Variants in JMJD1C observed in about 807,000 individuals in gnomAD.
The protein encoded by JMJD1C is jumonji domain-containing protein 1C.
A neutral mutation model predicts 245.3 loss-of-function variants in JMJD1C; 31 were observed. The observed-to-expected ratio is 0.13, with a 90% CI of 0.09 to 0.17. JMJD1C has a LOEUF of 0.17. Ranked by LOEUF, JMJD1C falls within the 10% of genes least tolerant of loss-of-function variation. The pLI is 1.00. For missense variants in JMJD1C, 2,691 were observed against 3,000.2 expected (o/e 0.90, Z 2.41); for synonymous variants, 1,057 against 1,017.4 (o/e 1.04, Z -0.74).
chr10:63,362,423 T>C (rs552601966), intron 2 of JMJD1C, among the ~76,000 whole-genome samples: 11 of 151,988 alleles, frequency 7.2e-5, no homozygotes, highest in East Asian at 1.9e-4. Flanking sequence ...AAAAACTTAG[T>C]TGTAAATCAC....
At chr10:63,235,024 T>C (rs1301535320) in intron 3 of JMJD1C, among the ~76,000 whole-genome samples, 2 of 152,112 alleles carry the variant, frequency 1.3e-5, no homozygotes, top group African/African-American at 4.8e-5. Context: ...TGATGATTAA[T>C]GTTCTAGGAA....
chr10:63,410,381 A>G (rs1447841791), intron 1 of JMJD1C, among the ~76,000 whole-genome samples: 1 of 152,210 alleles, frequency 6.6e-6, no homozygotes, highest in Non-Finnish European at 1.5e-5. Flanking sequence ...TACTATTTCT[A>G]AAGTTAACAA....
intron 18 of JMJD1C, among the ~76,000 whole-genome samples, chr10:63,187,430 T>A (rs1844258916): frequency 6.6e-6 from 1 of 152,214 alleles, no homozygotes; most frequent in Non-Finnish European, 1.5e-5. Flanking sequence ...TCTTAGGCTA[T>A]CACCATGATC....
At chr10:63,283,529 G>A (rs1261871442) in intron 2 of JMJD1C, among the ~76,000 whole-genome samples, 1 of 152,024 alleles carries the variant, frequency 6.6e-6, no homozygotes, top group East Asian at 1.9e-4. Flanking sequence ...ACCACACCCA[G>A]CTAATTTTTT....
chr10:63,233,757 G>GCACA (rs10565803), intron 3 of JMJD1C, among the ~76,000 whole-genome samples: 8 of 148,204 alleles, frequency 5.4e-5, no homozygotes, highest in Admixed American at 1.4e-4. Context: ...ACACGCGCGT[G>GCACA]CACACACACA....
intron 14 of JMJD1C, 49 bp downstream of exon 14, chr10:63,194,237 A>T: frequency 8.6e-7 from 1 of 1,165,390 alleles, no homozygotes. Flanking sequence ...TGTTTCCTTA[A>T]TCTGGAGCAA....
At chr10:63,322,339 CT>C (rs1419325489) in intron 2 of JMJD1C, among the ~76,000 whole-genome samples, 2 of 152,148 alleles carry the variant, frequency 1.3e-5, no homozygotes, top group African/African-American at 2.4e-5. Flanking sequence ...CAAAATCCCC[CT>C]CTAAACTCTT....
intron 1 of JMJD1C, among the ~76,000 whole-genome samples, chr10:63,457,377 A>G (rs939068438): frequency 4.6e-5 from 7 of 152,220 alleles, no homozygotes; most frequent in African/African-American, 1.7e-4. Context: ...CACTATTTCA[A>G]ACCCACACAC....
chr10:63,473,539 G>A (rs1334935176), intron 1 of JMJD1C, among the ~76,000 whole-genome samples: 1 of 151,994 alleles, frequency 6.6e-6, no homozygotes, highest in African/African-American at 2.4e-5. Flanking sequence ...GAGCCACTGT[G>A]CCTGGCCAGG....
At chr10:63,420,852 C>T (rs1340054066) in intron 1 of JMJD1C, among the ~76,000 whole-genome samples, 1 of 114,988 alleles carries the variant, frequency 8.7e-6, no homozygotes, top group African/African-American at 7.0e-5. Context: ...GAGCAGAAAA[C>T]AACAAAGTAC....
intron 2 of JMJD1C, among the ~76,000 whole-genome samples, chr10:63,376,081 A>T (rs1589617505): frequency 6.6e-6 from 1 of 152,208 alleles, no homozygotes. Context: ...TGGTATCAGC[A>T]TAAGAACATA....
At chr10:63,451,435 C>T (rs1022344679) in intron 1 of JMJD1C, among the ~76,000 whole-genome samples, 1 of 152,048 alleles carries the variant, frequency 6.6e-6, no homozygotes, top group East Asian at 1.9e-4. Context: ...GCTATACTGT[C>T]GGTCCTCTGT....
chr10:63,285,282 C>G (rs1194162519), intron 2 of JMJD1C, among the ~76,000 whole-genome samples: 1 of 152,158 alleles, frequency 6.6e-6, no homozygotes, highest in Non-Finnish European at 1.5e-5. Flanking sequence ...GGAGCAGAAC[C>G]TGAATGTCAG....
chr10:63,205,385 C>T (rs983173224), intron 10 of JMJD1C, among the ~76,000 whole-genome samples: 3 of 152,120 alleles, frequency 2.0e-5, no homozygotes, highest in Non-Finnish European at 4.4e-5. Flanking sequence ...CCTCCATAAC[C>T]GTGGGTTCCA....
chr10:63,403,865 G>A (rs1172799560), intron 1 of JMJD1C, among the ~76,000 whole-genome samples: 1 of 152,208 alleles, frequency 6.6e-6, no homozygotes, highest in African/African-American at 2.4e-5. Context: ...GAACCTAGGA[G>A]GCGGAGGTTG....
chr10:63,501,613 T>C (rs1954564280), intron 1 of JMJD1C, among the ~76,000 whole-genome samples: 2 of 152,008 alleles, frequency 1.3e-5, no homozygotes, highest in Admixed American at 6.6e-5. Context: ...CCATCTCTAC[T>C]AAAAATACAA....
intron 1 of JMJD1C, among the ~76,000 whole-genome samples, chr10:63,517,643 T>A (rs1175648219): frequency 6.6e-6 from 1 of 152,154 alleles, no homozygotes; most frequent in African/African-American, 2.4e-5. Context: ...CTTAAAGAAA[T>A]CATATCTTCT....
At chr10:63,467,513 AAAAC>A (rs1056394267), upstream of JMJD1C, among the ~76,000 whole-genome samples, 30 of 152,298 alleles carry the variant, frequency 2.0e-4, no homozygotes, top group South Asian at 2.7e-3. Flanking sequence ...AGTCCCCCCG[AAAAC>A]AAACAAACAA....
intron 1 of JMJD1C, among the ~76,000 whole-genome samples, chr10:63,446,617 T>C (rs1011680809): frequency 1.6e-4 from 24 of 152,086 alleles, no homozygotes; most frequent in African/African-American, 5.3e-4. Context: ...GAAAGACAGA[T>C]ACGAGAAAAA....
Sources: gnomAD v4.1 joint callset for allele counts (sites outside exome capture counted in the v4.1 genomes callset) on GRCh38, gnomAD v4.1.1 for gene constraint, MANE v1.5 for transcripts, NCBI Gene and HGNC (gene_info 2026-07-23, HGNC 2026-07-21) for gene names.